The following FSTL5 variants were observed in gnomAD, a reference collection of about 807,000 sequenced individuals.
FSTL5 encodes follistatin like 5.
In FSTL5, 62 loss-of-function variants were observed where a neutral mutation model predicts 89.1. The observed-to-expected ratio is 0.70, with a 90% CI of 0.57 to 0.86. FSTL5 has a LOEUF of 0.86. Ranked by LOEUF, FSTL5 falls within the 40% of genes least tolerant of loss-of-function variation. FSTL5 has a pLI of 0.00. For synonymous variants in FSTL5, 383 were observed against 346.2 expected (o/e 1.11, Z -1.18); for missense variants, 1,057 against 1,001.6 (o/e 1.06, Z -0.75).
chr4:161,763,473 T>C (rs909894585), intron 5 of FSTL5, among the ~76,000 whole-genome samples: 18 of 152,222 alleles, frequency 1.2e-4, no homozygotes, highest in African/African-American at 3.4e-4. Context: ...TCATGGAAGA[T>C]ATACAAGACA....
chr4:162,039,760 T>C (rs1269236843), intron 2 of FSTL5, among the ~76,000 whole-genome samples: 1 of 151,826 alleles, frequency 6.6e-6, no homozygotes, highest in African/African-American at 2.4e-5. Flanking sequence ...CCAAAATAAA[T>C]CAATAAACAT....
intron 3 of FSTL5, among the ~76,000 whole-genome samples, chr4:162,028,327 A>G (rs910781169): frequency 6.6e-6 from 1 of 152,188 alleles, no homozygotes; most frequent in Admixed American, 6.6e-5. Flanking sequence ...TTGTAATCCC[A>G]GCACTTTGGG....
rs968689023 is a variant in FSTL5, at chr4:162,053,180, G to A, written c.127-19522C>T. On this transcript the variant is annotated intron_variant, in intron 2 of 15. Transcript: ENST00000306100. The stretch of plus-strand genomic sequence containing the variant: ...GTTTAAAAATAATTTTTTGGCCAAC[G>A]GAAACAACACAGGAATGTATATTTT... Among the ~76,000 whole-genome samples, 17 of 151,630 alleles carry A rather than the reference G, an allele frequency of 1.1e-4. No homozygotes were observed. The Middle Eastern group carries it at 0.014, about 121-fold the overall frequency.
chr4:161,655,372 G>A (rs1736479837), intron 7 of FSTL5, among the ~76,000 whole-genome samples: 3 of 151,918 alleles, frequency 2.0e-5, no homozygotes, highest in Middle Eastern at 3.4e-3. Flanking sequence ...CATGGGAGTT[G>A]GTATAGTCCC....
chr4:161,698,504 G>T (rs1738265603), intron 6 of FSTL5, among the ~76,000 whole-genome samples: 1 of 152,194 alleles, frequency 6.6e-6, no homozygotes, highest in African/African-American at 2.4e-5. Flanking sequence ...AATGCTGAGT[G>T]AGTTGATGTG....
At chr4:162,054,861 T>C (rs558635268) in intron 2 of FSTL5, among the ~76,000 whole-genome samples, 2 of 151,968 alleles carry the variant, frequency 1.3e-5, no homozygotes, top group South Asian at 2.1e-4. Context: ...CTAACTTCAT[T>C]ACAAGTTGCA....
rs924107659 is a variant in FSTL5, at chr4:161,795,021, T to G, written c.410-18947A>C. ...TATTTACATATATATACACAATATA[T>G]TTGTATTTTTAGTGCTTATCTGAGT... is the stretch of plus-strand genomic sequence containing the variant. On this transcript the variant is annotated intron_variant, in intron 4 of 15. Coordinates refer to ENST00000306100, the MANE Select transcript of FSTL5 (RefSeq NM_020116.5). Among the ~76,000 whole-genome samples, 14 of 151,932 alleles carry G rather than the reference T, an allele frequency of 9.2e-5. 1 individual carries two copies. Among genetic ancestry groups the G allele is most frequent in the African/African-American group, 3.4e-4 (14 of 41,406 alleles).
chr4:161,714,138 A>ACACTCTTTGTGAAGAGCTGTTT lies in FSTL5; in HGVS notation c.727+45251_727+45272dup, dbSNP rs1738894943. On this transcript the variant is annotated intron_variant, in intron 6 of 15. Coordinates refer to ENST00000306100, the MANE Select transcript of FSTL5 (RefSeq NM_020116.5). ...TTTTTGAATTGTTTCCTTTCTCAAA[A>ACACTCTTTGTGAAGAGCTGTTT]CACTCTTTGTGAAGAGCTGTTTCAG... Among the ~76,000 whole-genome samples the ACACTCTTTGTGAAGAGCTGTTT allele has an allele frequency of 3.9e-5, 6 of 152,216 alleles. No individual in the cohort carries two copies. The South Asian group carries it at 1.2e-3, about 32-fold the overall frequency.
intron 3 of FSTL5, among the ~76,000 whole-genome samples, chr4:162,005,725 A>G (rs1338533784): frequency 6.6e-6 from 1 of 152,112 alleles, no homozygotes; most frequent in East Asian, 1.9e-4. Flanking sequence ...GTCAAGCATA[A>G]TTCTGACCCC....
intron 1 of FSTL5, among the ~76,000 whole-genome samples, chr4:162,120,227 G>C (rs1321827031): frequency 1.3e-5 from 2 of 152,020 alleles, no homozygotes; most frequent in East Asian, 1.9e-4. Flanking sequence ...ATTTGAGCTT[G>C]CATTAGGAGA....
intron 4 of FSTL5, among the ~76,000 whole-genome samples, chr4:161,879,820 C>G (rs1732568133): frequency 6.6e-6 from 1 of 152,180 alleles, no homozygotes; most frequent in African/African-American, 2.4e-5. Flanking sequence ...TATCACTTCC[C>G]CTTGCTTACA....
intron 2 of FSTL5, among the ~76,000 whole-genome samples, chr4:162,044,590 T>C (rs1035444265): frequency 1.3e-5 from 2 of 152,190 alleles, no homozygotes; most frequent in Non-Finnish European, 2.9e-5. Context: ...CTTTCAAGGT[T>C]TGAAGTCAGA....
intron 15 of FSTL5, among the ~76,000 whole-genome samples, chr4:161,451,827 G>A (rs1258507811): frequency 1.3e-5 from 2 of 152,194 alleles, no homozygotes; most frequent in Non-Finnish European, 2.9e-5. Context: ...AAATAGTGTA[G>A]CACTTTCTTC....
intron 13 of FSTL5, among the ~76,000 whole-genome samples, chr4:161,472,668 C>G (rs1733988188): frequency 6.6e-6 from 1 of 151,250 alleles, no homozygotes; most frequent in South Asian, 2.1e-4. Flanking sequence ...AATTTTACTT[C>G]TATTATGGAT....
intron 3 of FSTL5, among the ~76,000 whole-genome samples, chr4:162,001,299 T>A (rs1186758780): frequency 6.6e-6 from 1 of 151,676 alleles, no homozygotes; most frequent in Non-Finnish European, 1.5e-5. Flanking sequence ...TATACCTATA[T>A]CTATCTGTCT....
At chr4:161,905,745 C>A (rs541944373) in intron 4 of FSTL5, among the ~76,000 whole-genome samples, 1 of 152,166 alleles carries the variant, frequency 6.6e-6, no homozygotes, top group Non-Finnish European at 1.5e-5. Flanking sequence ...GAAGAGAGGA[C>A]AAATTTGTGA....
intron 1 of FSTL5, among the ~76,000 whole-genome samples, chr4:162,135,585 T>C (rs1732491971): frequency 6.6e-6 from 1 of 152,120 alleles, no homozygotes; most frequent in Non-Finnish European, 1.5e-5. Flanking sequence ...GGGTCCTTTT[T>C]AGCCTCATTG....
chr4:161,396,935 G>C (rs928579927), intron 15 of FSTL5, among the ~76,000 whole-genome samples: 1 of 152,082 alleles, frequency 6.6e-6, no homozygotes, highest in Admixed American at 6.6e-5. Flanking sequence ...GGTATTCTGT[G>C]AACTAGGGAG....
At chr4:161,623,432 AT>A (rs1187591396) in intron 7 of FSTL5, among the ~76,000 whole-genome samples, 1 of 151,884 alleles carries the variant, frequency 6.6e-6, no homozygotes, top group African/African-American at 2.4e-5. Context: ...CTACATTTTA[AT>A]TTTTTAATGA....
Sources: allele counts gnomAD v4.1 joint callset (sites outside exome capture counted in the v4.1 genomes callset), GRCh38; gene constraint gnomAD v4.1.1; transcripts MANE v1.5; gene names NCBI Gene and HGNC (gene_info 2026-07-23, HGNC 2026-07-21).